SIDT1: variants seen among roughly 807,000 people sequenced by gnomAD.
The protein encoded by SIDT1 is SID1 transmembrane family member 1.
In SIDT1, 101 loss-of-function variants were observed where a neutral mutation model predicts 107.5. The ratio of observed to expected loss-of-function variants is 0.94; its 90% CI spans 0.80 to 1.11. The LOEUF (loss-of-function observed/expected upper bound fraction) is 1.11. Among genes scored for constraint, SIDT1 ranks in the 50% least tolerant of loss-of-function variants. The pLI is 0.00. For synonymous variants in SIDT1, 395 were observed against 398.2 expected, an observed-to-expected ratio of 0.99 and a Z score of 0.10; for missense variants, 1,076 against 1,058.2, an observed-to-expected ratio of 1.02 and a Z score of -0.23.
intron 1 of SIDT1, among the ~76,000 whole-genome samples, chr3:113,542,617 A>T (rs6782872): frequency 6.6e-6 from 1 of 152,200 alleles, no homozygotes; most frequent in Non-Finnish European, 1.5e-5. Flanking sequence ...TGCAATCCTT[A>T]TCTATTGCTC....
intron 6 of SIDT1, among the ~76,000 whole-genome samples, chr3:113,582,244 G>A (rs1247323946): frequency 6.6e-6 from 1 of 152,108 alleles, no homozygotes; most frequent in Admixed American, 6.5e-5. Flanking sequence ...TGTCATGTAA[G>A]CATATTTTCA....
chr3:113,635,873 C>CA, the SIDT1 span, among the ~76,000 whole-genome samples: 1,112 of 95,522 alleles, frequency 0.012, 7 homozygotes, highest in Non-Finnish European at 0.014. Context: ...GACTCTGTCT[C>CA]AAAAAAAAAA....
chr3:113,591,288 T>C (rs1944130834), intron 9 of SIDT1, among the ~76,000 whole-genome samples: 1 of 152,194 alleles, frequency 6.6e-6, no homozygotes, highest in African/African-American at 2.4e-5. Flanking sequence ...ATAATAAACT[T>C]GTATTGTTTT....
rs115557532 is a variant in SIDT1, at chr3:113,586,565, C to T, written c.1001+1295C>T. Reference sequence around the variant, plus strand: ...ATCGATGAATGCCAAATCTAGGGTGCAGAAATCTGATGAGGATGAAGATGT... The same window carrying T: ...ATCGATGAATGCCAAATCTAGGGTGTAGAAATCTGATGAGGATGAAGATGT... On this transcript the variant is annotated intron_variant, in intron 9 of 24. Coordinates refer to ENST00000264852, the MANE Select transcript of SIDT1 (RefSeq NM_017699.3). Among the ~76,000 whole-genome samples the T allele has an allele frequency of 7.4e-3, 1,134 of 152,230 alleles. 17 individuals carry two copies. The highest frequency in any genetic ancestry group is 0.025 in the African/African-American group (1,052 of 41,532).
At chr3:113,568,727 C>T (rs565351064) in intron 3 of SIDT1, among the ~76,000 whole-genome samples, 1 of 152,226 alleles carries the variant, frequency 6.6e-6, no homozygotes, top group Non-Finnish European at 1.5e-5. Context: ...TTGATGTATA[C>T]CCAACTCCTA....
intron 1 of SIDT1, among the ~76,000 whole-genome samples, chr3:113,547,829 T>C (rs1188638526): frequency 6.6e-6 from 1 of 152,142 alleles, no homozygotes; most frequent in African/African-American, 2.4e-5. Context: ...CCTTCTACAG[T>C]TGGTCTCAAG....
At chr3:113,536,246 A>C (rs951691242) in intron 1 of SIDT1, among the ~76,000 whole-genome samples, 1 of 152,148 alleles carries the variant, frequency 6.6e-6, no homozygotes, top group African/African-American at 2.4e-5. Flanking sequence ...TTTTGCCATC[A>C]TTGCTTATCC....
At chr3:113,595,986 A>T (rs931647529) in intron 10 of SIDT1, among the ~76,000 whole-genome samples, 1 of 152,238 alleles carries the variant, frequency 6.6e-6, no homozygotes, top group Non-Finnish European at 1.5e-5. Flanking sequence ...GAAGCTAGTG[A>T]CAGACATTCA....
In SIDT1 at chr3:113,626,234, T is replaced by C. The variant is rs773327672; in HGVS notation, c.2421+19T>C. On this transcript the variant is annotated intron_variant, in intron 24 of 24. Coordinates refer to ENST00000264852, the MANE Select transcript of SIDT1 (RefSeq NM_017699.3). ...ATTCTTGGTGAGTTCATATCTATCT[T>C]TTTGTGACTTTCTTCTCTCTTTACA... is the stretch of plus-strand genomic sequence containing the variant. 26 of 1,516,446 alleles carry C rather than the reference T, an allele frequency of 1.7e-5. No homozygotes were observed. The highest frequency in any genetic ancestry group is 5.5e-5 in the African/African-American group (4 of 73,006). The allele number at this position is 1,516,446 out of a possible 1,614,324, so 93.9% of individuals were successfully genotyped here. A position where few individuals can be genotyped will look rare whatever the true frequency, so the allele number is the denominator to read the frequency against.
rs1475660502 is a variant in SIDT1, at chr3:113,627,747, T to C, written c.*39T>C. On this transcript the variant is annotated 3_prime_UTR_variant, in exon 25 of 25. Coordinates refer to ENST00000264852, the MANE Select transcript of SIDT1 (RefSeq NM_017699.3). ...AGAGAGGGGAGGGAGCGATCAATCT[T>C]GGTGCTGTTTCACAAAAATTACAGT... is the stretch of plus-strand genomic sequence containing the variant. 6.2e-7 allele frequency: 1 copy of C among 1,600,558 alleles called. No homozygotes were observed. The highest frequency in any genetic ancestry group is 1.3e-5 in the African/African-American group (1 of 74,626).
At chr3:113,584,805 C>T in intron 8 of SIDT1, 36 bp downstream of exon 8, 1 of 1,396,010 alleles carries the variant, frequency 7.2e-7, no homozygotes, top group Non-Finnish European at 9.8e-7. Context: ...GAAGAGATTC[C>T]TGTGTCAGAA....
intron 11 of SIDT1, 166 bp downstream of exon 11, chr3:113,601,825 C>T: frequency 1.9e-6 from 1 of 537,128 alleles, no homozygotes; most frequent in Non-Finnish European, 3.3e-6. Context: ...AAGCTTCCTC[C>T]CAGCTCTAAC....
intron 9 of SIDT1, among the ~76,000 whole-genome samples, chr3:113,586,903 A>G (rs927560206): frequency 2.0e-5 from 3 of 152,226 alleles, no homozygotes; most frequent in Admixed American, 1.3e-4. Flanking sequence ...ATTGAAGGAG[A>G]CTAAAGATAT....
intron 23 of SIDT1, 38 bp downstream of exon 23, chr3:113,623,771 T>C: frequency 7.0e-7 from 1 of 1,437,900 alleles, no homozygotes; most frequent in African/African-American, 1.4e-5. Context: ...ACAACCTCTC[T>C]CTCCAACTTG....
In SIDT1 at chr3:113,566,539, A is replaced by T. The variant is rs374190946; in HGVS notation, c.342A>T (p.Gly114=). ...LSWQVPLLFQ[G]LYQRSYNYQE... ...GGCAGGTTCCTCTGCTCTTCCAAGG[A>T]CTGTAAGTGGGTTTTCTTCCAGGCA... Residue 114 remains glycine, a splice_region_variant and synonymous_variant, in exon 2 of 25, where the codon GGA becomes GGT. Transcript: ENST00000264852. 3 of 1,612,686 alleles carry T rather than the reference A, an allele frequency of 1.9e-6. No individual in the cohort carries two copies. The highest frequency in any genetic ancestry group is 1.3e-5 in the African/African-American group (1 of 74,808).
rs200179202 is a variant in SIDT1 at position 113,612,182 on chromosome 3, C to A, written c.1954C>A (p.Arg652Ser). The A allele has an allele frequency of 5.0e-5, 81 of 1,610,140 alleles. No individual in the cohort carries two copies. The highest frequency in any genetic ancestry group is 5.9e-6 in the Non-Finnish European group (7 of 1,176,606). Residue 652 changes from arginine to serine, a missense_variant, in exon 19 of 25, where the codon CGT (arginine) becomes AGT (serine). Arg to Ser is a moderately radical substitution (Grantham distance 110, BLOSUM62 -1). Transcript: ENST00000264852. Reference sequence around the variant, plus strand: ...CAGCACCCAGATATATTATATGGGTCGTTTCAAGATAGGTGAGTCACCTGT... The same window carrying A: ...CAGCACCCAGATATATTATATGGGTAGTTTCAAGATAGGTGAGTCACCTGT... ...ALSTQIYYMG[R>S]FKIDLGIFRR...
intron 10 of SIDT1, among the ~76,000 whole-genome samples, chr3:113,600,014 A>C (rs1029373334): frequency 2.0e-5 from 3 of 152,186 alleles, no homozygotes; most frequent in Non-Finnish European, 4.4e-5. Context: ...TATACAATTA[A>C]AAATCATTTT....
rs60256247 is a variant in SIDT1 at position 113,571,486 on chromosome 3, G to GCACACACACACACACACACACACACACA, written c.515+3800_515+3801insCACACACACACACACACACACACACACA. ...GCTTGGTGCCATCTACCTATCCTCT[G>GCACACACACACACACACACACACACACA]CACACACACACACACACACACACAT... On this transcript the variant is annotated intron_variant, in intron 3 of 24. Transcript: ENST00000264852. Among the ~76,000 whole-genome samples the GCACACACACACACACACACACACACACA allele has an allele frequency of 4.7e-5, 7 of 148,950 alleles. No individual in the cohort carries two copies. In the East Asian group the frequency reaches 6.1e-4, roughly 13 times the overall value.
At chr3:113,595,646 C>T (rs1305877545) in intron 10 of SIDT1, among the ~76,000 whole-genome samples, 1 of 151,844 alleles carries the variant, frequency 6.6e-6, no homozygotes, top group Non-Finnish European at 1.5e-5. Flanking sequence ...CCCCACATCC[C>T]CCTGTTTGAG....
Sources: allele counts gnomAD v4.1 joint callset (sites outside exome capture counted in the v4.1 genomes callset), GRCh38; gene constraint gnomAD v4.1.1; transcripts MANE v1.5; gene names NCBI Gene and HGNC (gene_info 2026-07-23, HGNC 2026-07-21).